The following LRP1B variants were observed in gnomAD, a reference collection of about 807,000 sequenced individuals.
LRP1B encodes the protein LDL receptor related protein 1B, also known as low-density lipoprotein receptor-related protein 1B.
In LRP1B, 217 loss-of-function variants were observed where a neutral mutation model predicts 556.6. The observed-to-expected ratio is 0.39, with a 90% CI of 0.35 to 0.44. The LOEUF (loss-of-function observed/expected upper bound fraction) is 0.44. LRP1B is among the 20% of genes least tolerant of loss of function. The pLI, the probability that LRP1B is intolerant of heterozygous loss-of-function variation, is 1.00. For synonymous variants in LRP1B, 2,047 were observed against 1,865.8 expected (o/e 1.10, Z -2.50); for missense variants, 5,053 against 5,620.8 (o/e 0.90, Z 3.23).
intron 24 of LRP1B, among the ~76,000 whole-genome samples, chr2:140,885,903 A>G (rs1376873535): frequency 6.6e-6 from 1 of 150,980 alleles, no homozygotes; most frequent in Non-Finnish European, 1.5e-5. Flanking sequence ...CTTTGCCATC[A>G]GTCCATGGAA....
At chr2:140,777,028 C>G (rs1689523738) in intron 32 of LRP1B, among the ~76,000 whole-genome samples, 1 of 152,120 alleles carries the variant, frequency 6.6e-6, no homozygotes, top group African/African-American at 2.4e-5. Flanking sequence ...ATCTGAAAAA[C>G]TTGTGTTCTT....
chr2:142,039,031 C>A (rs1207730064), intron 1 of LRP1B, among the ~76,000 whole-genome samples: 1 of 151,462 alleles, frequency 6.6e-6, no homozygotes, highest in Non-Finnish European at 1.5e-5. Flanking sequence ...ACACCAAGAG[C>A]CCATGAAAAG....
chr2:140,688,321 T>C (rs984416091), intron 41 of LRP1B, among the ~76,000 whole-genome samples: 1 of 152,162 alleles, frequency 6.6e-6, no homozygotes, highest in Non-Finnish European at 1.5e-5. Context: ...TATAGTTTTG[T>C]TATTTCTTTT....
chr2:141,483,705 G>A (rs1362831634), intron 2 of LRP1B, among the ~76,000 whole-genome samples: 5 of 151,998 alleles, frequency 3.3e-5, no homozygotes, highest in African/African-American at 1.2e-4. Context: ...GCATTTCTCT[G>A]ATGGCCAGTG....
At chr2:141,080,636 G>T (rs1699899635) in intron 7 of LRP1B, among the ~76,000 whole-genome samples, 1 of 152,068 alleles carries the variant, frequency 6.6e-6, no homozygotes, top group African/African-American at 2.4e-5. Flanking sequence ...TACATGTCAG[G>T]CTTGGTAAAC....
At chr2:140,647,364 T>C (rs1362547303) in intron 41 of LRP1B, among the ~76,000 whole-genome samples, 4 of 152,232 alleles carry the variant, frequency 2.6e-5, no homozygotes, top group African/African-American at 9.6e-5. Flanking sequence ...TTATTTTTTA[T>C]ATATTTTAAT....
At chr2:140,867,382 T>C (rs1340371995) in intron 27 of LRP1B, among the ~76,000 whole-genome samples, 1 of 151,968 alleles carries the variant, frequency 6.6e-6, no homozygotes, top group Non-Finnish European at 1.5e-5. Flanking sequence ...AAGATGCCCC[T>C]AAATATTTAT....
chr2:140,404,479 C>T (rs1198819922), intron 66 of LRP1B, among the ~76,000 whole-genome samples: 1 of 151,930 alleles, frequency 6.6e-6, no homozygotes, highest in Non-Finnish European at 1.5e-5. Flanking sequence ...GCCAGTAGAA[C>T]TTCTTAAAAG....
At chr2:141,307,687 C>T (rs1469666085) in intron 3 of LRP1B, among the ~76,000 whole-genome samples, 1 of 152,106 alleles carries the variant, frequency 6.6e-6, no homozygotes, top group Non-Finnish European at 1.5e-5. Context: ...AGGTGGGTCA[C>T]TCCTTGGGCC....
Position 141,447,160 on chromosome 2 carries a change from T to A in LRP1B, c.343+33236A>T, listed in dbSNP as rs1038515381. 1.3e-5 allele frequency among the ~76,000 whole-genome samples: 2 copies of A among 151,920 alleles called. 1 individual carries two copies. Among genetic ancestry groups the A allele is most frequent in the African/African-American group, 4.8e-5 (2 of 41,392 alleles). Reference sequence around the variant, plus strand: ...TGTCTTCACACTTTATTTCATTAAGTTGATCTTCAATCTCTGATATCCTTT... The same window carrying A: ...TGTCTTCACACTTTATTTCATTAAGATGATCTTCAATCTCTGATATCCTTT... On this transcript the variant is annotated intron_variant, in intron 3 of 90. Coordinates refer to ENST00000389484, the MANE Select transcript of LRP1B (RefSeq NM_018557.3).
At chr2:141,656,504 T>A (rs192850112) in intron 2 of LRP1B, among the ~76,000 whole-genome samples, 109 of 152,276 alleles carry the variant, frequency 7.2e-4, no homozygotes, top group African/African-American at 2.5e-3. Flanking sequence ...AATCAAAGGA[T>A]GTGTTTCAAA....
chr2:140,288,878 T>A (rs567598566), intron 84 of LRP1B, among the ~76,000 whole-genome samples: 1 of 152,024 alleles, frequency 6.6e-6, no homozygotes, highest in East Asian at 1.9e-4. Context: ...TTTGTATATG[T>A]ACTCTTCCTT....
At chr2:140,645,956 T>A (rs1322663111) in intron 41 of LRP1B, among the ~76,000 whole-genome samples, 1 of 152,114 alleles carries the variant, frequency 6.6e-6, no homozygotes, top group African/African-American at 2.4e-5. Context: ...CTTATTATAG[T>A]TTCTTGTATT....
intron 3 of LRP1B, among the ~76,000 whole-genome samples, chr2:141,317,422 T>G (rs1379004684): frequency 2.0e-5 from 3 of 152,084 alleles, no homozygotes; most frequent in African/African-American, 7.2e-5. Flanking sequence ...TTCTACCATC[T>G]CTTTGTTTTT....
At chr2:140,534,740 C>G (rs13383771) in intron 46 of LRP1B, among the ~76,000 whole-genome samples, 75,121 of 151,970 alleles carry the variant, frequency 0.49, 18,947 homozygotes, top group East Asian at 0.61. Context: ...CTACCACTTA[C>G]AATAATAATA....
rs72983845 is a variant in LRP1B, at chr2:141,713,420, C to T, written c.205+96859G>A. Among the ~76,000 whole-genome samples, 893 of 152,280 alleles carry T rather than the reference C, an allele frequency of 5.9e-3. 9 individuals are homozygous for T. Among genetic ancestry groups the T allele is most frequent in the African/African-American group, 0.02 (845 of 41,564 alleles). Reference sequence around the variant, plus strand: ...TAAACATGCATTTTATCCAAATGAACACTCCTTTAAATACTTTTCCAAAGT... The same window carrying T: ...TAAACATGCATTTTATCCAAATGAATACTCCTTTAAATACTTTTCCAAAGT... On this transcript the variant is annotated intron_variant, in intron 2 of 90. Coordinates refer to ENST00000389484, the MANE Select transcript of LRP1B (RefSeq NM_018557.3).
chr2:140,886,818 G>A (rs555815162), intron 23 of LRP1B, among the ~76,000 whole-genome samples: 8 of 152,244 alleles, frequency 5.3e-5, no homozygotes, highest in African/African-American at 1.7e-4. Context: ...TAGTTAGGGA[G>A]TGCTTCCATT....
At chr2:140,827,299 C>G (rs75154663) in intron 31 of LRP1B, among the ~76,000 whole-genome samples, 1 of 152,054 alleles carries the variant, frequency 6.6e-6, no homozygotes. Context: ...CCTAGTGAGA[C>G]AGCAATTTGT....
chr2:141,580,802 C>T (rs765703347), intron 2 of LRP1B, among the ~76,000 whole-genome samples: 3 of 152,188 alleles, frequency 2.0e-5, no homozygotes, highest in East Asian at 1.9e-4. Context: ...ACTAAAGTCA[C>T]TGAAGTTTCA....
Sources: gnomAD v4.1 joint callset for allele counts (sites outside exome capture counted in the v4.1 genomes callset) on GRCh38, gnomAD v4.1.1 for gene constraint, MANE v1.5 for transcripts, NCBI Gene and HGNC (gene_info 2026-07-23, HGNC 2026-07-21) for gene names.